KHDRBS2: variants seen among roughly 807,000 people sequenced by gnomAD.
KHDRBS2 encodes KH domain-containing, RNA-binding, signal transduction-associated protein 2.
KHDRBS2 carries 26 observed loss-of-function variants against 44.3 expected under a neutral mutation model. The ratio of observed to expected loss-of-function variants is 0.59; its 90% CI spans 0.43 to 0.81. The LOEUF is 0.81. Among genes scored for constraint, KHDRBS2 ranks in the 40% least tolerant of loss-of-function variants. The pLI, the probability that KHDRBS2 is intolerant of heterozygous loss-of-function variation, is 0.00. For missense variants in KHDRBS2, 476 were observed against 433.1 expected (o/e 1.10, Z -0.88); for synonymous variants, 194 against 151.1 (o/e 1.28, Z -2.08).
intron 1 of KHDRBS2, among the ~76,000 whole-genome samples, chr6:62,283,075 T>C (rs1279542189): frequency 6.6e-6 from 1 of 152,202 alleles, no homozygotes; most frequent in Non-Finnish European, 1.5e-5. Context: ...CTGAGTTTGC[T>C]GTTTTATCAT....
chr6:62,218,531 G>A lies in KHDRBS2; in HGVS notation c.92-41219C>T, dbSNP rs1228358434. Among the ~76,000 whole-genome samples the A allele has an allele frequency of 3.3e-5, 5 of 151,612 alleles. 1 individual carries two copies. The highest frequency in any genetic ancestry group is 7.4e-5 in the Non-Finnish European group (5 of 67,800). Reference sequence around the variant, plus strand: ...AAGACAGATATCAAATATGTATAAAGATAAAATTTGAAACTAAAAACTTTA... The same window carrying A: ...AAGACAGATATCAAATATGTATAAAAATAAAATTTGAAACTAAAAACTTTA... On this transcript the variant is annotated intron_variant, in intron 1 of 8. Coordinates refer to ENST00000281156, the MANE Select transcript of KHDRBS2 (RefSeq NM_152688.4).
chr6:61,809,936 C>T (rs1329795300), intron 6 of KHDRBS2, among the ~76,000 whole-genome samples: 1 of 152,000 alleles, frequency 6.6e-6, no homozygotes, highest in Non-Finnish European at 1.5e-5. Flanking sequence ...AAAAATATAT[C>T]GCTTTTAGCA....
At chr6:61,780,792 C>G (rs1353167641) in intron 6 of KHDRBS2, among the ~76,000 whole-genome samples, 1 of 107,622 alleles carries the variant, frequency 9.3e-6, no homozygotes, top group South Asian at 3.5e-4. Context: ...ATATATACCT[C>G]TTGCTACCCA....
the KHDRBS2 span, among the ~76,000 whole-genome samples, chr6:61,553,417 G>A: frequency 1.3e-5 from 2 of 151,934 alleles, no homozygotes; most frequent in South Asian, 2.1e-4. Flanking sequence ...CTAGCAAGTA[G>A]TCTGTCTATC....
chr6:62,155,524 A>T (rs1444354377), intron 2 of KHDRBS2, among the ~76,000 whole-genome samples: 1 of 152,198 alleles, frequency 6.6e-6, no homozygotes, highest in East Asian at 1.9e-4. Flanking sequence ...AGACTAACAT[A>T]AGGGACCTAG....
At chr6:61,991,857 A>G (rs1165000132) in intron 3 of KHDRBS2, among the ~76,000 whole-genome samples, 1 of 152,194 alleles carries the variant, frequency 6.6e-6, no homozygotes, top group African/African-American at 2.4e-5. Context: ...GCTGCTGAAG[A>G]AGGTCTTGCA....
intron 7 of KHDRBS2, among the ~76,000 whole-genome samples, chr6:61,716,567 A>T (rs528828693): frequency 2.6e-5 from 4 of 152,092 alleles, no homozygotes; most frequent in Admixed American, 6.6e-5. Flanking sequence ...TTTTTTAAAA[A>T]AACCTAGGCT....
At chr6:61,931,512 C>G (rs1362570105) in intron 4 of KHDRBS2, among the ~76,000 whole-genome samples, 1 of 151,942 alleles carries the variant, frequency 6.6e-6, no homozygotes, top group East Asian at 1.9e-4. Flanking sequence ...CATATTATCA[C>G]TTATATAAAA....
the KHDRBS2 span, among the ~76,000 whole-genome samples, chr6:61,630,003 G>T: frequency 6.6e-6 from 1 of 152,088 alleles, no homozygotes; most frequent in South Asian, 2.1e-4. Context: ...ACCATTTACA[G>T]GTTTGTGGGT....
At chr6:61,793,856 T>A (rs964879712) in intron 6 of KHDRBS2, among the ~76,000 whole-genome samples, 1 of 152,098 alleles carries the variant, frequency 6.6e-6, no homozygotes. Flanking sequence ...AAAAAGATGA[T>A]AATCGTCAAC....
At chr6:61,662,163 A>C in the KHDRBS2 span, among the ~76,000 whole-genome samples, 13 of 152,270 alleles carry the variant, frequency 8.5e-5, no homozygotes, top group Middle Eastern at 3.4e-3. Context: ...TTCCCTATTT[A>C]ATAAATGGTG....
chr6:61,590,665 A>G, the KHDRBS2 span, among the ~76,000 whole-genome samples: 1 of 152,174 alleles, frequency 6.6e-6, no homozygotes, highest in Admixed American at 6.5e-5. Flanking sequence ...ATGTGAATTT[A>G]CTTTCTGGTC....
chr6:61,754,734 C>T (rs1022273055), intron 6 of KHDRBS2, among the ~76,000 whole-genome samples: 1 of 151,336 alleles, frequency 6.6e-6, no homozygotes, highest in African/African-American at 2.4e-5. Flanking sequence ...GAGATGGATG[C>T]AACAGAAAAA....
At chr6:61,936,025 C>T (rs1810952113) in intron 4 of KHDRBS2, among the ~76,000 whole-genome samples, 1 of 152,000 alleles carries the variant, frequency 6.6e-6, no homozygotes, top group Admixed American at 6.6e-5. Context: ...TTAAATCTAT[C>T]TCTATTCTAT....
At chr6:62,123,942 A>G (rs181286036) in intron 2 of KHDRBS2, among the ~76,000 whole-genome samples, 9 of 152,366 alleles carry the variant, frequency 5.9e-5, no homozygotes, top group African/African-American at 1.9e-4. Flanking sequence ...AAAGTTGGTA[A>G]CATGCAGAAT....
At chr6:62,046,748 A>C (rs1269598659) in intron 3 of KHDRBS2, among the ~76,000 whole-genome samples, 2 of 151,912 alleles carry the variant, frequency 1.3e-5, no homozygotes, top group African/African-American at 4.8e-5. Context: ...TTTTAAGTGT[A>C]GTCAGAGAAT....
chr6:62,164,812 T>C (rs983097309), intron 2 of KHDRBS2, among the ~76,000 whole-genome samples: 3 of 151,892 alleles, frequency 2.0e-5, no homozygotes, highest in African/African-American at 7.2e-5. Context: ...AGTGAAATTT[T>C]CCGCATGCCC....
the KHDRBS2 span, chr6:61,574,535 CTCCGAGCAACA>C: frequency 1.8e-6 from 1 of 559,880 alleles, no homozygotes; most frequent in Non-Finnish European, 3.1e-6. Flanking sequence ...ATAACCCAAC[CTCCGAGCAACA>C]TATGCTGAGA....
chr6:62,066,097 A>T (rs1242168843), intron 2 of KHDRBS2, among the ~76,000 whole-genome samples: 3 of 151,640 alleles, frequency 2.0e-5, no homozygotes, highest in Non-Finnish European at 3.0e-5. Flanking sequence ...ACATTCTTCA[A>T]GCTCAAGTTT....
Sources: allele counts gnomAD v4.1 joint callset (sites outside exome capture counted in the v4.1 genomes callset), GRCh38; gene constraint gnomAD v4.1.1; transcripts MANE v1.5; gene names NCBI Gene and HGNC (gene_info 2026-07-23, HGNC 2026-07-21).